Variants in PPME1 observed in about 807,000 individuals in gnomAD.
PPME1 encodes testicular secretory protein Li 39.
PPME1 carries 17 observed loss-of-function variants against 56.9 expected under a neutral mutation model. The ratio of observed to expected loss-of-function variants is 0.30; its 90% CI spans 0.20 to 0.45. The LOEUF (loss-of-function observed/expected upper bound fraction) is 0.45, where lower values mean the gene tolerates loss of function less well. Ranked by LOEUF, PPME1 falls within the 20% of genes least tolerant of loss-of-function variation. PPME1 has a pLI of 1.00. For missense variants in PPME1, 357 were observed against 483.2 expected, an observed-to-expected ratio of 0.74 and a Z score of 2.45; for synonymous variants, 122 against 156.2, an observed-to-expected ratio of 0.78 and a Z score of 1.63.
At position 74,203,713 on chromosome 11, in the gene PPME1, C is replaced by A; in HGVS notation, c.102-15C>A. On this transcript the variant is annotated splice_polypyrimidine_tract_variant and intron_variant, in intron 1 of 13. Coordinates refer to ENST00000328257, the MANE Select transcript of PPME1 (RefSeq NM_016147.3). ...CATAATTTTTCTGAAATGTCTCTCT[C>A]TTTTTTTTCCTCAGCCCTGGAAGAA... 1 of 1,591,594 alleles carries A rather than the reference C, an allele frequency of 6.3e-7. No individual in the cohort carries two copies. The highest frequency in any genetic ancestry group is 8.6e-7 in the Non-Finnish European group (1 of 1,167,010).
At chr11:74,246,533 A>G (rs1859508974) in intron 10 of PPME1, among the ~76,000 whole-genome samples, 1 of 152,178 alleles carries the variant, frequency 6.6e-6, no homozygotes, top group Non-Finnish European at 1.5e-5. Context: ...TTCCAAATAC[A>G]GTCACATTGG....
chr11:74,250,403 A>G (rs1279577475), intron 11 of PPME1: 1 of 153,342 alleles, frequency 6.5e-6, no homozygotes, highest in Non-Finnish European at 1.5e-5. Flanking sequence ...TTATTGTAAT[A>G]ATACATTTTG....
chr11:74,171,914 G>C (rs944989990), intron 1 of PPME1, among the ~76,000 whole-genome samples: 1 of 152,040 alleles, frequency 6.6e-6, no homozygotes, highest in African/African-American at 2.4e-5. Context: ...GAGGGGAATT[G>C]GGCCAACAAC....
chr11:74,176,719 TC>T (rs1446700413), intron 1 of PPME1, among the ~76,000 whole-genome samples: 10 of 146,612 alleles, frequency 6.8e-5, no homozygotes, highest in African/African-American at 2.6e-4. Flanking sequence ...CTGTGTAGTG[TC>T]CTTTTTTTTT....
chr11:74,191,351 A>G (rs1857832318), intron 1 of PPME1, among the ~76,000 whole-genome samples: 1 of 152,144 alleles, frequency 6.6e-6, no homozygotes, highest in African/African-American at 2.4e-5. Context: ...AGAAAAAACA[A>G]AGTTGGTACT....
intron 1 of PPME1, among the ~76,000 whole-genome samples, chr11:74,196,935 A>G (rs1250294485): frequency 6.6e-6 from 1 of 152,214 alleles, no homozygotes; most frequent in African/African-American, 2.4e-5. Flanking sequence ...TCCCTTAACC[A>G]TAAACACCTA....
Position 74,239,269 on chromosome 11 carries a change from A to C in PPME1, c.834+13A>C. 1 of 1,610,526 alleles carries C rather than the reference A, an allele frequency of 6.2e-7. No homozygotes were observed. ...AGATGACATGGAGGTGGGTAAAAACATTCATTCTTGAAAAGATGCGGTATG... is the reference window on the plus strand; with the variant it reads ...AGATGACATGGAGGTGGGTAAAAACCTTCATTCTTGAAAAGATGCGGTATG... On this transcript the variant is annotated intron_variant, in intron 9 of 13. Coordinates refer to ENST00000328257, the MANE Select transcript of PPME1 (RefSeq NM_016147.3).
At chr11:74,173,668 A>G in intron 1 of PPME1, among the ~76,000 whole-genome samples, 1 of 152,160 alleles carries the variant, frequency 6.6e-6, no homozygotes, top group African/African-American at 2.4e-5. Flanking sequence ...CAGCCTCCCA[A>G]GTAGCTGGGA....
chr11:74,217,130 C>A (rs1858668082), intron 3 of PPME1, among the ~76,000 whole-genome samples: 1 of 152,104 alleles, frequency 6.6e-6, no homozygotes, highest in Non-Finnish European at 1.5e-5. Flanking sequence ...AGGCTAGTTA[C>A]CCTAATACCA....
chr11:74,198,614 C>G (rs1296404191), intron 1 of PPME1: 1 of 134,996 alleles, frequency 7.4e-6, no homozygotes. Context: ...GGTGCACTAC[C>G]TAATTTTTTT....
intron 1 of PPME1, among the ~76,000 whole-genome samples, chr11:74,189,625 A>G (rs1225999037): frequency 6.6e-6 from 1 of 152,180 alleles, no homozygotes; most frequent in African/African-American, 2.4e-5. Context: ...AAAATTTAAG[A>G]TATTCTAATC....
At chr11:74,246,034 G>A in intron 9 of PPME1, 42 bp from the exon 10 acceptor site, 1 of 1,558,276 alleles carries the variant, frequency 6.4e-7, no homozygotes, top group East Asian at 2.4e-5. Flanking sequence ...GTTCCTCCAG[G>A]GGTTGCCCTC....
chr11:74,212,540 G>A (rs760493952), intron 3 of PPME1, among the ~76,000 whole-genome samples: 7 of 152,216 alleles, frequency 4.6e-5, no homozygotes, highest in Admixed American at 2.0e-4. Flanking sequence ...GAGTGCTTAC[G>A]CCACCTCTCC....
intron 7 of PPME1, among the ~76,000 whole-genome samples, chr11:74,231,888 GA>G (rs1859077194): frequency 6.6e-6 from 1 of 152,152 alleles, no homozygotes; most frequent in Non-Finnish European, 1.5e-5. Flanking sequence ...GCAAAGGAAT[GA>G]ATTTATTCAT....
chr11:74,174,601 G>T (rs1010348943), intron 1 of PPME1, among the ~76,000 whole-genome samples: 2 of 151,956 alleles, frequency 1.3e-5, no homozygotes, highest in Non-Finnish European at 2.9e-5. Context: ...CATTATTTAG[G>T]CATGTTTGCA....
intron 3 of PPME1, among the ~76,000 whole-genome samples, chr11:74,220,035 CT>C (rs1443223307): frequency 6.6e-6 from 1 of 152,080 alleles, no homozygotes; most frequent in Non-Finnish European, 1.5e-5. Context: ...AATGTATACC[CT>C]TACTATGTAC....
intron 3 of PPME1, among the ~76,000 whole-genome samples, chr11:74,219,046 TAATA>T (rs1858729311): frequency 6.6e-6 from 1 of 152,056 alleles, no homozygotes; most frequent in Non-Finnish European, 1.5e-5. Context: ...GGAAAAAATC[TAATA>T]ATCTAATTTT....
chr11:74,185,822 A>G (rs1857666323), intron 1 of PPME1, among the ~76,000 whole-genome samples: 1 of 152,122 alleles, frequency 6.6e-6, no homozygotes, highest in East Asian at 1.9e-4. Context: ...TCCCTGTGCT[A>G]CAGCAGTCTG....
At chr11:74,193,095 CTG>C (rs1345805393) in intron 1 of PPME1, among the ~76,000 whole-genome samples, 1 of 152,202 alleles carries the variant, frequency 6.6e-6, no homozygotes, top group East Asian at 1.9e-4. Context: ...TGTGATGTTA[CTG>C]TGCTGGTTGG....
Sources: gnomAD v4.1 joint callset for allele counts (sites outside exome capture counted in the v4.1 genomes callset) on GRCh38, gnomAD v4.1.1 for gene constraint, MANE v1.5 for transcripts, NCBI Gene and HGNC (gene_info 2026-07-23, HGNC 2026-07-21) for gene names.